The following FSTL4 variants were observed in gnomAD, a reference collection of about 807,000 sequenced individuals.
The protein encoded by FSTL4 is follistatin like 4.
FSTL4 carries 28 observed loss-of-function variants against 78.2 expected under a neutral mutation model. The ratio of observed to expected loss-of-function variants is 0.36; its 90% CI spans 0.27 to 0.49. The LOEUF is 0.49. Ranked by LOEUF, FSTL4 falls within the 20% of genes least tolerant of loss-of-function variation. The pLI is 0.98. For missense variants in FSTL4, 922 were observed against 1,084.9 expected (o/e 0.85, Z 2.11); for synonymous variants, 422 against 440.5 (o/e 0.96, Z 0.53).
intron 4 of FSTL4, among the ~76,000 whole-genome samples, chr5:133,356,584 G>C (rs1228716770): frequency 6.6e-6 from 1 of 152,262 alleles, no homozygotes; most frequent in Non-Finnish European, 1.5e-5. Flanking sequence ...GATGGGACTG[G>C]TTACCAGAGA....
In FSTL4 at chr5:133,291,689, T is replaced by A. The variant is rs145478532; in HGVS notation, c.727+20965A>T. Among the ~76,000 whole-genome samples the A allele has an allele frequency of 3.8e-3, 573 of 152,230 alleles. 2 individuals carry two copies. The highest frequency in any genetic ancestry group is 0.014 in the Middle Eastern group (4 of 294). ...GCAGAGAGGTCAGACTGGATAAAGATAGGAGTGTTCTCTGCCTAAGCCAAC... is the reference window on the plus strand; with the variant it reads ...GCAGAGAGGTCAGACTGGATAAAGAAAGGAGTGTTCTCTGCCTAAGCCAAC... On this transcript the variant is annotated intron_variant, in intron 6 of 15. Coordinates refer to ENST00000265342, the MANE Select transcript of FSTL4 (RefSeq NM_015082.2).
intron 7 of FSTL4, among the ~76,000 whole-genome samples, chr5:133,240,491 C>CA: frequency 6.6e-6 from 1 of 152,242 alleles, no homozygotes; most frequent in East Asian, 1.9e-4. Flanking sequence ...TGCTCGTTCC[C>CA]AGGTTCAGGC....
At chr5:133,645,058 ACCCTTT>A in the FSTL4 span, among the ~76,000 whole-genome samples, 2 of 151,578 alleles carry the variant, frequency 1.3e-5, no homozygotes, top group South Asian at 4.2e-4. Flanking sequence ...AGACCTCATG[ACCCTTT>A]GGTTTTTTTC....
At chr5:133,318,479 G>A (rs561244187) in intron 4 of FSTL4, among the ~76,000 whole-genome samples, 7 of 152,334 alleles carry the variant, frequency 4.6e-5, no homozygotes, top group African/African-American at 1.7e-4. Context: ...CTGGCAAATA[G>A]ACCAGAAGTG....
chr5:133,496,918 A>T (rs1183218837), intron 3 of FSTL4, among the ~76,000 whole-genome samples: 1 of 151,858 alleles, frequency 6.6e-6, no homozygotes, highest in Non-Finnish European at 1.5e-5. Context: ...ACTCCCCCTT[A>T]CTGCCTCCCG....
chr5:133,480,582 G>A (rs554771863), intron 3 of FSTL4, among the ~76,000 whole-genome samples: 18 of 152,068 alleles, frequency 1.2e-4, no homozygotes, highest in East Asian at 3.9e-4. Flanking sequence ...ACGTGAAGCC[G>A]GTTCTACTTG....
intron 4 of FSTL4, among the ~76,000 whole-genome samples, chr5:133,386,206 G>A (rs868111197): frequency 2.0e-5 from 3 of 152,212 alleles, no homozygotes; most frequent in African/African-American, 4.8e-5. Context: ...GGCTCTTTGA[G>A]TTAGTTGTTA....
the FSTL4 span, among the ~76,000 whole-genome samples, chr5:133,652,845 CAAAG>C: frequency 6.6e-6 from 1 of 152,222 alleles, no homozygotes; most frequent in African/African-American, 2.4e-5. Context: ...AAAAATGTGA[CAAAG>C]AGATGATCAA....
chr5:133,636,626 A>G, the FSTL4 span, among the ~76,000 whole-genome samples: 1 of 152,248 alleles, frequency 6.6e-6, no homozygotes, highest in South Asian at 2.1e-4. Context: ...AGGGGTTACT[A>G]TGAGGATTAA....
At chr5:133,640,040 AAC>A in the FSTL4 span, among the ~76,000 whole-genome samples, 1 of 152,230 alleles carries the variant, frequency 6.6e-6, no homozygotes. Flanking sequence ...ATGTTAAGCA[AAC>A]ACAAAAGTAA....
the FSTL4 span, among the ~76,000 whole-genome samples, chr5:133,801,765 A>C: frequency 6.6e-6 from 1 of 152,184 alleles, no homozygotes; most frequent in South Asian, 2.1e-4. Flanking sequence ...GACAGTACCC[A>C]TTCCTCTGAT....
chr5:133,332,986 AG>A (rs981125837), intron 4 of FSTL4, among the ~76,000 whole-genome samples: 2 of 152,072 alleles, frequency 1.3e-5, no homozygotes, highest in African/African-American at 4.8e-5. Context: ...TTGCACGTGC[AG>A]GTGTCCTCTC....
At chr5:133,633,928 A>G in the FSTL4 span, among the ~76,000 whole-genome samples, 1 of 152,052 alleles carries the variant, frequency 6.6e-6, no homozygotes, top group Non-Finnish European at 1.5e-5. Context: ...GCCTTCACTG[A>G]AACCTCCCTG....
At chr5:133,345,585 G>C (rs1754680339) in intron 4 of FSTL4, among the ~76,000 whole-genome samples, 1 of 152,084 alleles carries the variant, frequency 6.6e-6, no homozygotes, top group African/African-American at 2.4e-5. Flanking sequence ...AGTCCATCTT[G>C]AATTAATTTT....
chr5:133,531,079 G>A (rs528930437), intron 3 of FSTL4, among the ~76,000 whole-genome samples: 5 of 152,300 alleles, frequency 3.3e-5, no homozygotes, highest in Non-Finnish European at 5.9e-5. Context: ...CCGGGAGAGC[G>A]AATGCAGAAA....
chr5:133,493,947 G>A (rs1034353242), intron 3 of FSTL4, among the ~76,000 whole-genome samples: 2 of 152,110 alleles, frequency 1.3e-5, no homozygotes, highest in African/African-American at 4.8e-5. Flanking sequence ...CCAGCCCCCA[G>A]CCAATCACTG....
At chr5:133,448,745 G>GC (rs1374626795) in intron 3 of FSTL4, among the ~76,000 whole-genome samples, 1 of 148,692 alleles carries the variant, frequency 6.7e-6, no homozygotes, top group Admixed American at 6.6e-5. Flanking sequence ...GGGGCGGGGG[G>GC]GGGGGGCGCT....
chr5:133,211,453 C>T (rs1750710271), intron 13 of FSTL4, among the ~76,000 whole-genome samples: 1 of 152,136 alleles, frequency 6.6e-6, no homozygotes, highest in Non-Finnish European at 1.5e-5. Context: ...ATCTTTTCCT[C>T]CTCCCCACCT....
intron 13 of FSTL4, among the ~76,000 whole-genome samples, chr5:133,211,196 A>G (rs1214629585): frequency 1.3e-5 from 2 of 152,138 alleles, no homozygotes; most frequent in Non-Finnish European, 2.9e-5. Context: ...AGCTTCTCCT[A>G]TGGCCCTGTC....
Sources: allele counts gnomAD v4.1 joint callset (sites outside exome capture counted in the v4.1 genomes callset), GRCh38; gene constraint gnomAD v4.1.1; transcripts MANE v1.5; gene names NCBI Gene and HGNC (gene_info 2026-07-23, HGNC 2026-07-21).